The following KSR1 variants were observed in gnomAD, a reference collection of about 807,000 sequenced individuals.
KSR1 encodes kinase suppressor of ras 1, also known as kinase suppressor of ras.
KSR1 carries 35 observed loss-of-function variants against 92.9 expected under a neutral mutation model. That is an observed-to-expected ratio of 0.38 (90% CI 0.29 to 0.50). KSR1 has a LOEUF of 0.50. Among genes scored for constraint, KSR1 ranks in the 20% least tolerant of loss-of-function variants. The pLI, the probability that KSR1 is intolerant of heterozygous loss-of-function variation, is 0.94. For missense variants in KSR1, 972 were observed against 1,158.5 expected, an observed-to-expected ratio of 0.84 and a Z score of 2.34; for synonymous variants, 467 against 472.6, an observed-to-expected ratio of 0.99 and a Z score of 0.15.
intron 1 of KSR1, among the ~76,000 whole-genome samples, chr17:27,480,091 G>A (rs1259460545): frequency 6.6e-6 from 1 of 152,100 alleles, no homozygotes; most frequent in African/African-American, 2.4e-5. Flanking sequence ...ATTCCACTTG[G>A]GGCAAAAGCC....
At chr17:27,503,173 G>GTA (rs2069252323) in intron 1 of KSR1, among the ~76,000 whole-genome samples, 1 of 152,216 alleles carries the variant, frequency 6.6e-6, no homozygotes, top group Admixed American at 6.5e-5. Context: ...TTAATAAAGA[G>GTA]TATACTTCTT....
intron 19 of KSR1, chr17:27,617,690 G>T: frequency 2.4e-6 from 1 of 423,496 alleles, no homozygotes; most frequent in Admixed American, 3.3e-5. Flanking sequence ...ACCACACTTG[G>T]CTAATTATTG....
intron 1 of KSR1, among the ~76,000 whole-genome samples, chr17:27,504,942 C>T (rs1438564316): frequency 6.6e-6 from 1 of 152,158 alleles, no homozygotes; most frequent in African/African-American, 2.4e-5. Context: ...GTCTATAAAA[C>T]GGGCATAATC....
intron 1 of KSR1, among the ~76,000 whole-genome samples, chr17:27,542,351 T>A (rs1431396305): frequency 3.3e-5 from 5 of 152,226 alleles, no homozygotes; most frequent in African/African-American, 9.6e-5. Context: ...CTCATTTATA[T>A]GTTAACATCT....
At chr17:27,560,134 C>T (rs570005060) in intron 2 of KSR1, among the ~76,000 whole-genome samples, 235 of 152,314 alleles carry the variant, frequency 1.5e-3, no homozygotes, top group African/African-American at 3.9e-3. Context: ...GGCCCTGCCC[C>T]GCTCCCAGTC....
intron 5 of KSR1, among the ~76,000 whole-genome samples, chr17:27,586,429 C>T (rs769616861): frequency 5.3e-5 from 8 of 152,088 alleles, no homozygotes; most frequent in Admixed American, 1.3e-4. Flanking sequence ...TAGCTGTGGG[C>T]GGGGTCTTGG....
chr17:27,458,087 C>T (rs1272214232), intron 1 of KSR1, among the ~76,000 whole-genome samples: 1 of 152,032 alleles, frequency 6.6e-6, no homozygotes, highest in Non-Finnish European at 1.5e-5. Flanking sequence ...GCTATAAAAC[C>T]ACAGGACATT....
intron 1 of KSR1, chr17:27,526,649 T>G: frequency 6.4e-7 from 1 of 1,561,874 alleles, no homozygotes; most frequent in Non-Finnish European, 8.8e-7. Flanking sequence ...AGCACCTTCC[T>G]GAGAGATTTT....
At chr17:27,554,199 G>T (rs191431393) in intron 2 of KSR1, among the ~76,000 whole-genome samples, 81 of 152,354 alleles carry the variant, frequency 5.3e-4, no homozygotes, top group Non-Finnish European at 8.7e-4. Context: ...ATTTATGCCA[G>T]AGGTTGCAGT....
chr17:27,490,477 G>A (rs1046499119), intron 1 of KSR1, among the ~76,000 whole-genome samples: 2 of 151,910 alleles, frequency 1.3e-5, no homozygotes. Context: ...TTTTTTTCCC[G>A]AGTGAAATCT....
chr17:27,554,425 C>T (rs1038618884), intron 2 of KSR1, among the ~76,000 whole-genome samples: 6 of 152,222 alleles, frequency 3.9e-5, no homozygotes, highest in Non-Finnish European at 7.3e-5. Flanking sequence ...ACAGTTGCTC[C>T]CCATTGCTCG....
chr17:27,585,686 C>A, intron 5 of KSR1, 25 bp downstream of exon 5: 2 of 759,990 alleles, frequency 2.6e-6, no homozygotes, highest in East Asian at 2.5e-5. Context: ...TTTCCATCCC[C>A]TCTACCACCT....
chr17:27,569,007 C>T (rs2072198534), intron 2 of KSR1, among the ~76,000 whole-genome samples: 1 of 152,178 alleles, frequency 6.6e-6, no homozygotes, highest in South Asian at 2.1e-4. Flanking sequence ...TGTGGCTCAC[C>T]CTCCCACGTT....
chr17:27,588,283 C>G (rs930762410), intron 5 of KSR1, 192 bp from the exon 6 acceptor site: 1 of 411,266 alleles, frequency 2.4e-6, no homozygotes, highest in African/African-American at 2.1e-5. Context: ...CCAAGCGAGG[C>G]GAGGGGAACC....
Position 27,592,349 on chromosome 17 carries a change from C to T in KSR1, c.1131-12C>T. On this transcript the variant is annotated splice_polypyrimidine_tract_variant and intron_variant, in intron 7 of 20. Coordinates refer to ENST00000644974, the MANE Select transcript of KSR1 (RefSeq NM_001394583.1). ...GTGGTGCTTTGCACACCAACCTCCCCTTCTTTACCAGGTTGAAGTGTCACA... is the reference window on the plus strand; with the variant it reads ...GTGGTGCTTTGCACACCAACCTCCCTTTCTTTACCAGGTTGAAGTGTCACA... 1.2e-6 allele frequency: 2 copies of T among 1,613,568 alleles called. No individual in the cohort carries two copies. The highest frequency in any genetic ancestry group is 2.2e-5 in the East Asian group (1 of 44,876).
chr17:27,620,453 A>G (rs2151273194), intron 19 of KSR1, among the ~76,000 whole-genome samples: 1 of 152,340 alleles, frequency 6.6e-6, no homozygotes, highest in East Asian at 1.9e-4. Context: ...CCTGGCTCCT[A>G]GTACAGTCCC....
chr17:27,487,578 A>C (rs1302543783), intron 1 of KSR1, among the ~76,000 whole-genome samples: 4 of 125,964 alleles, frequency 3.2e-5, no homozygotes, highest in Non-Finnish European at 7.0e-5. Context: ...GTGAAACCCC[A>C]TCTCTTTTAA....
chr17:27,521,149 T>A (rs771430480), intron 1 of KSR1, among the ~76,000 whole-genome samples: 4 of 152,116 alleles, frequency 2.6e-5, no homozygotes, highest in Non-Finnish European at 4.4e-5. Context: ...GCCAGCTGAC[T>A]TAGTACCTCT....
At chr17:27,609,855 C>A (rs559063702) in intron 16 of KSR1, 2 of 524,994 alleles carry the variant, frequency 3.8e-6, no homozygotes, top group Admixed American at 3.5e-5. Context: ...TCTTGCCCTG[C>A]TTTTCTAGAA....
Sources: allele counts gnomAD v4.1 joint callset (sites outside exome capture counted in the v4.1 genomes callset), GRCh38; gene constraint gnomAD v4.1.1; transcripts MANE v1.5; gene names NCBI Gene and HGNC (gene_info 2026-07-23, HGNC 2026-07-21).